Variants in DST observed in about 807,000 individuals in gnomAD.
The protein encoded by DST is bullous pemphigoid antigen.
Under a neutral mutation model 875.2 loss-of-function variants are expected in DST, and 253 were observed. The ratio of observed to expected loss-of-function variants is 0.29; its 90% confidence interval spans 0.26 to 0.32. The LOEUF (loss-of-function observed/expected upper bound fraction) is 0.32. Ranked by LOEUF, DST falls within the 10% of genes least tolerant of loss-of-function variation. The pLI, the probability that DST is intolerant of heterozygous loss-of-function variation, is 1.00. For missense variants in DST, 8,287 were observed against 9,111.6 expected, an observed-to-expected ratio of 0.91 and a Z score of 3.68; for synonymous variants, 3,124 against 3,197.1, an observed-to-expected ratio of 0.98 and a Z score of 0.77.
intron 69 of DST, among the ~76,000 whole-genome samples, chr6:56,525,901 C>T (rs992252154): frequency 5.3e-5 from 8 of 152,138 alleles, no homozygotes; most frequent in African/African-American, 1.2e-4. Context: ...AAAAACTTCA[C>T]ATTACCAACA....
chr6:56,644,473 T>C (rs1348094090), intron 15 of DST, among the ~76,000 whole-genome samples: 1 of 152,136 alleles, frequency 6.6e-6, no homozygotes, highest in East Asian at 1.9e-4. Flanking sequence ...TAATGTTGTG[T>C]CAGGCGCTGT....
chr6:56,818,544 T>G (rs1050618747), intron 4 of DST, among the ~76,000 whole-genome samples: 7 of 152,142 alleles, frequency 4.6e-5, no homozygotes, highest in South Asian at 2.1e-4. Flanking sequence ...CCTTCATAGC[T>G]CCAATGATTT....
chr6:56,892,042 C>T (rs894150523), intron 3 of DST, among the ~76,000 whole-genome samples: 2 of 152,208 alleles, frequency 1.3e-5, no homozygotes, highest in African/African-American at 4.8e-5. Flanking sequence ...TAGGCTGCCA[C>T]AGCTACCTAA....
At chr6:56,743,640 T>C (rs572341856) in intron 4 of DST, among the ~76,000 whole-genome samples, 1 of 152,028 alleles carries the variant, frequency 6.6e-6, no homozygotes, top group African/African-American at 2.4e-5. Flanking sequence ...CACACACACA[T>C]ATATAACACA....
chr6:56,952,667 A>T (rs1822962594), intron 2 of DST, among the ~76,000 whole-genome samples: 1 of 152,092 alleles, frequency 6.6e-6, no homozygotes, highest in African/African-American at 2.4e-5. Flanking sequence ...TCTTTACACA[A>T]TTTCTTGTAA....
At chr6:56,777,168 T>C (rs1250190731) in intron 4 of DST, among the ~76,000 whole-genome samples, 3 of 152,076 alleles carry the variant, frequency 2.0e-5, no homozygotes, top group Non-Finnish European at 4.4e-5. Flanking sequence ...CCCTGATTTA[T>C]CTAAGGAAGT....
Position 56,704,366 on chromosome 6 carries a change from G to A in DST, c.691C>T (p.Arg231Ter). The change falls in exon 6 of 104, where the codon CGA becomes TGA. Residue 231 changes from arginine (R) to a stop codon, truncating the protein, a stop_gained. Transcript: ENST00000680361. LOFTEE classifies it high-confidence loss of function. ...KWINQHLMKV[R>*]KHVNDLYEDL... ...TCATAGAGATCATTCACATGTTTTC[G>A]AACCTATAAAGAGAAAAGCAAAATT... 6.5e-7 allele frequency: 1 copy of A among 1,543,436 alleles called. No homozygotes were observed. The highest frequency in any genetic ancestry group is 8.8e-7 in the Non-Finnish European group (1 of 1,140,988).
At chr6:56,785,091 T>G (rs2099702363) in intron 4 of DST, among the ~76,000 whole-genome samples, 1 of 152,192 alleles carries the variant, frequency 6.6e-6, no homozygotes, top group African/African-American at 2.4e-5. Flanking sequence ...CTGGAAGTTT[T>G]GTCTCAGAGG....
chr6:56,721,723 G>T (rs2099417398), intron 5 of DST, among the ~76,000 whole-genome samples: 1 of 152,170 alleles, frequency 6.6e-6, no homozygotes, highest in East Asian at 1.9e-4. Context: ...AGTTATGGTA[G>T]AAAATCACAT....
chr6:56,873,959 G>A (rs1446585340), intron 3 of DST, among the ~76,000 whole-genome samples: 1 of 152,148 alleles, frequency 6.6e-6, no homozygotes, highest in Non-Finnish European at 1.5e-5. Flanking sequence ...AGCACCACAT[G>A]TAAGCCAGCT....
intron 2 of DST, among the ~76,000 whole-genome samples, chr6:56,928,911 A>G (rs1808651278): frequency 6.6e-6 from 1 of 152,150 alleles, no homozygotes; most frequent in South Asian, 2.1e-4. Flanking sequence ...GAAGAGTTGA[A>G]CTAACAGAAA....
In DST at chr6:56,507,248, T is replaced by C. The variant is rs530694896; in HGVS notation, c.19240-459A>G. On this transcript the variant is annotated intron_variant, in intron 75 of 103. Coordinates refer to ENST00000680361, the MANE Select transcript of DST (RefSeq NM_001374736.1). Reference sequence around the variant, plus strand: ...ACCCTAGGCAGGACCAGGTAGGACCTGTAAGGTACAAAGATACCACAACAG... The same window carrying C: ...ACCCTAGGCAGGACCAGGTAGGACCCGTAAGGTACAAAGATACCACAACAG... 3.9e-4 allele frequency among the ~76,000 whole-genome samples: 59 copies of C among 152,356 alleles called. No individual in the cohort carries two copies. The South Asian group carries it at 4.4e-3, about 11-fold the overall frequency.
rs541573964 is a variant in DST, at chr6:56,610,619, T to A, written c.5148-57A>T. 7 of 1,424,834 alleles carry A rather than the reference T, an allele frequency of 4.9e-6. No individual in the cohort carries two copies. The East Asian group carries it at 1.7e-4, about 34-fold the overall frequency. 88.3% of individuals were successfully genotyped at this position (1,424,834 alleles called of 1,614,324 possible). ...GCAAGTCGTCCTCAAGAGATAAAGA[T>A]GTATTAGGTTCAATAATTTTGTCAT... On this transcript the variant is annotated intron_variant, in intron 38 of 103. Coordinates refer to ENST00000680361, the MANE Select transcript of DST (RefSeq NM_001374736.1).
At chr6:56,744,757 T>C (rs1292197876) in intron 4 of DST, among the ~76,000 whole-genome samples, 3 of 152,124 alleles carry the variant, frequency 2.0e-5, no homozygotes, top group Admixed American at 2.0e-4. Context: ...AACACCTCAC[T>C]TGCCTACCTG....
intron 90 of DST, among the ~76,000 whole-genome samples, chr6:56,477,971 A>G (rs2095266123): frequency 6.6e-6 from 1 of 152,164 alleles, no homozygotes; most frequent in South Asian, 2.1e-4. Flanking sequence ...TTTATTTTTG[A>G]ATATTTTTAA....
chr6:56,592,374 G>A lies in DST; in HGVS notation c.12727-16C>T. On this transcript the variant is annotated splice_polypyrimidine_tract_variant and intron_variant, in intron 48 of 103. Transcript: ENST00000680361. ...GAACATTGCACTAACAATCAAAAGA[G>A]AAAAGGGGTAGGAGATTAAAACCCA... The A allele has an allele frequency of 6.4e-7, 1 of 1,570,106 alleles. No homozygotes were observed. Among genetic ancestry groups the A allele is most frequent in the Admixed American group, 1.9e-5 (1 of 53,876 alleles).
At chr6:56,712,073 A>T (rs2152895608) in intron 5 of DST, among the ~76,000 whole-genome samples, 1 of 142,532 alleles carries the variant, frequency 7.0e-6, no homozygotes, top group East Asian at 1.9e-4. Context: ...CCTGGGCGAC[A>T]GAGCGAGACT....
rs151026384 is a variant in DST at position 56,776,089 on chromosome 6, C to A, written c.626-40800G>T. ...TGACAAGTCATGTGGGTAGCACCTA[C>A]CCTTGATAAGACATGTGAATTGATA... On this transcript the variant is annotated intron_variant, in intron 4 of 103. Transcript: ENST00000680361. Among the ~76,000 whole-genome samples the A allele has an allele frequency of 2.0e-5, 3 of 152,318 alleles. No homozygotes were observed. The East Asian group carries it at 5.8e-4, about 29-fold the overall frequency.
At chr6:56,662,593 G>C (rs1203902514) in intron 10 of DST, among the ~76,000 whole-genome samples, 1 of 152,144 alleles carries the variant, frequency 6.6e-6, no homozygotes, top group Non-Finnish European at 1.5e-5. Context: ...TCAGTTTTCT[G>C]CTTCAAAAAT....
Sources: allele counts gnomAD v4.1 joint callset (sites outside exome capture counted in the v4.1 genomes callset), GRCh38; gene constraint gnomAD v4.1.1; transcripts MANE v1.5; gene names NCBI Gene and HGNC (gene_info 2026-07-23, HGNC 2026-07-21).